Variants in INTS12 observed in about 807,000 individuals in gnomAD.
INTS12 encodes PHD finger protein 22.
Under a neutral mutation model 41.6 loss-of-function variants are expected in INTS12, and 13 were observed. The ratio of observed to expected loss-of-function variants is 0.31; its 90% CI spans 0.20 to 0.50. The LOEUF is 0.50. Ranked by LOEUF, INTS12 falls within the 20% of genes least tolerant of loss-of-function variation. The pLI, the probability that INTS12 is intolerant of heterozygous loss-of-function variation, is 0.98. For synonymous variants in INTS12, 199 were observed against 191.4 expected, an observed-to-expected ratio of 1.04 and a Z score of -0.33; for missense variants, 432 against 541.6, an observed-to-expected ratio of 0.80 and a Z score of 2.01.
chr4:105,696,572 G>A (rs537657380), intron 3 of INTS12, among the ~76,000 whole-genome samples: 22 of 152,164 alleles, frequency 1.4e-4, no homozygotes, highest in Non-Finnish European at 2.4e-4. Flanking sequence ...ATATTCCATT[G>A]AATGAATAGA....
chr4:105,693,808 A>G (rs542639110), intron 4 of INTS12, among the ~76,000 whole-genome samples: 2 of 152,338 alleles, frequency 1.3e-5, no homozygotes, highest in Admixed American at 1.3e-4. Flanking sequence ...TACCATACAG[A>G]CTTAACACAT....
Position 105,683,242 on chromosome 4 carries a change from C to T in INTS12, c.880G>A (p.Ala294Thr), listed in dbSNP as rs1213635798. ...GAGGAAGTTTTGGCTGCAAAAGCTG[C>T]CCATCCAGTTAAGCCACTAGTTACT... is the stretch of plus-strand genomic sequence containing the variant. ...SSVTSGLTGW[A>T]AFAAKTSSAG... Residue 294 changes from alanine (A) to threonine (T), a missense_variant, in exon 8 of 8, where the codon GCA becomes ACA. Physicochemically the swap from Ala to Thr is moderately conservative, Grantham distance 58. Coordinates refer to ENST00000340139, the MANE Select transcript of INTS12 (RefSeq NM_020395.4). 6.2e-7 allele frequency: 1 copy of T among 1,614,002 alleles called. No homozygotes were observed. The highest frequency in any genetic ancestry group is 8.5e-7 in the Non-Finnish European group (1 of 1,179,932).
intron 1 of INTS12, chr4:105,708,105 C>CT (rs1732365004): frequency 1.0e-6 from 1 of 985,288 alleles, no homozygotes; most frequent in Non-Finnish European, 1.2e-6. Context: ...AAGATGCTGC[C>CT]TTTTTCATTC....
At position 105,682,769 on chromosome 4, in the gene INTS12, G is replaced by A; in HGVS notation, c.1353C>T (p.Val451=). ...GTTTCTTTTGGGCAGCTTTCTTCTT[G>A]ACCATCTGTAATCGCTTCATAGCAT... ...QLNAMKRLQM[V]KKKAAQKKLK... Residue 451 remains valine, a synonymous_variant, in exon 8 of 8, where the codon GTC becomes GTT. Coordinates refer to ENST00000340139, the MANE Select transcript of INTS12 (RefSeq NM_020395.4). The A allele has an allele frequency of 6.2e-7, 1 of 1,613,966 alleles. No homozygotes were observed. The highest frequency in any genetic ancestry group is 8.5e-7 in the Non-Finnish European group (1 of 1,179,908).
At position 105,703,786 on chromosome 4, in the gene INTS12, C is replaced by T. The variant is rs1226158861; in HGVS notation, c.-148G>A. ...CCTCCATTTTCTTTTAAAATTGCTTCTGTGTTTCAGTAGATGGCCTCACCT... is the reference window on the plus strand; with the variant it reads ...CCTCCATTTTCTTTTAAAATTGCTTTTGTGTTTCAGTAGATGGCCTCACCT... On this transcript the variant is annotated 5_prime_UTR_variant, in exon 2 of 8. Coordinates refer to ENST00000340139, the MANE Select transcript of INTS12 (RefSeq NM_020395.4). 1 of 152,182 alleles carries T rather than the reference C, an allele frequency of 6.6e-6. No homozygotes were observed. The highest frequency in any genetic ancestry group is 1.5e-5 in the Non-Finnish European group (1 of 68,032). 9.4% of individuals were successfully genotyped at this position (152,182 alleles called of 1,614,324 possible).
chr4:105,696,446 A>T (rs1731870124), intron 3 of INTS12, among the ~76,000 whole-genome samples: 1 of 152,214 alleles, frequency 6.6e-6, no homozygotes, highest in Non-Finnish European at 1.5e-5. Flanking sequence ...CTAGAAATTT[A>T]TATAAATGGA....
intron 3 of INTS12, among the ~76,000 whole-genome samples, chr4:105,698,554 A>AT (rs5860807): frequency 0.18 from 27,241 of 151,976 alleles, 4,226 homozygotes; most frequent in African/African-American, 0.42. Context: ...CATTAAAACA[A>AT]TTTTTTTTCT....
At chr4:105,697,227 C>G (rs1731897530) in intron 3 of INTS12, among the ~76,000 whole-genome samples, 1 of 152,126 alleles carries the variant, frequency 6.6e-6, no homozygotes, top group South Asian at 2.1e-4. Flanking sequence ...TATTTGTTGT[C>G]ATTAATAGTA....
chr4:105,695,818 T>G, intron 3 of INTS12, 150 bp from the exon 4 acceptor site: 1 of 664,966 alleles, frequency 1.5e-6, no homozygotes, highest in Non-Finnish European at 2.5e-6. Context: ...AATAGCTTTA[T>G]TGAGAAATAA....
At chr4:105,703,855 CT>C (rs982650198) in intron 1 of INTS12, 46 bp from the exon 2 acceptor site, 3 of 152,212 alleles carry the variant, frequency 2.0e-5, no homozygotes, top group Non-Finnish European at 4.4e-5. Flanking sequence ...AGTCGACTTC[CT>C]TCCAGCACAT....
intron 1 of INTS12, chr4:105,705,494 A>C (rs139189162): frequency 6.6e-6 from 1 of 152,490 alleles, no homozygotes; most frequent in East Asian, 1.9e-4. Context: ...CCATGTCTTC[A>C]ATGAAACTGG....
At chr4:105,686,212 A>AC in intron 7 of INTS12, among the ~76,000 whole-genome samples, 1 of 152,186 alleles carries the variant, frequency 6.6e-6, no homozygotes, top group South Asian at 2.1e-4. Context: ...AGGCACCGCC[A>AC]CTATGCCTGG....
chr4:105,708,116 C>T (rs955985400), intron 1 of INTS12: 1 of 985,404 alleles, frequency 1.0e-6, no homozygotes, highest in South Asian at 4.7e-5. Context: ...TTTTTCATTC[C>T]TCCACTGAGT....
At chr4:105,696,980 G>A (rs1731889531) in intron 3 of INTS12, among the ~76,000 whole-genome samples, 2 of 152,238 alleles carry the variant, frequency 1.3e-5, no homozygotes, top group South Asian at 4.2e-4. Flanking sequence ...TGTTCATATG[G>A]CATACATATA....
chr4:105,687,969 GA>G (rs545711982), intron 6 of INTS12, among the ~76,000 whole-genome samples: 1 of 149,182 alleles, frequency 6.7e-6, no homozygotes, highest in African/African-American at 2.5e-5. Flanking sequence ...AACAACAACA[GA>G]AAAAAAAACA....
chr4:105,686,868 C>A (rs1731515109), intron 6 of INTS12, 30 bp from the exon 7 acceptor site: 1 of 1,602,272 alleles, frequency 6.2e-7, no homozygotes, highest in Non-Finnish European at 8.5e-7. Context: ...AAATCAGATA[C>A]AAAATCTTAA....
At chr4:105,687,056 T>G (rs754516738) in intron 6 of INTS12, 8 of 532,204 alleles carry the variant, frequency 1.5e-5, no homozygotes, top group Non-Finnish European at 2.3e-5. Flanking sequence ...AATATTAAGC[T>G]TTAGAAATAA....
chr4:105,683,515 C>A (rs1052343836), intron 7 of INTS12, among the ~76,000 whole-genome samples, 198 bp from the exon 8 acceptor site: 3 of 151,962 alleles, frequency 2.0e-5, no homozygotes, highest in African/African-American at 7.3e-5. Flanking sequence ...ATTTTTGATA[C>A]CATATTCTTG....
intron 2 of INTS12, among the ~76,000 whole-genome samples, chr4:105,702,460 T>A (rs1312987523): frequency 6.6e-6 from 1 of 152,198 alleles, no homozygotes; most frequent in Non-Finnish European, 1.5e-5. Context: ...TCTATTTATT[T>A]TTTAAAAATC....
Sources: allele counts gnomAD v4.1 joint callset (sites outside exome capture counted in the v4.1 genomes callset), GRCh38; gene constraint gnomAD v4.1.1; transcripts MANE v1.5; gene names NCBI Gene and HGNC (gene_info 2026-07-23, HGNC 2026-07-21).